EEIG1: variants seen among roughly 807,000 people sequenced by gnomAD.
The protein encoded by EEIG1 is estrogen-induced osteoclastogenesis regulator 1, also known as early estrogen-induced gene 1 protein.
At chr9:127,947,571 G>A in the EEIG1 span, among the ~76,000 whole-genome samples, 1 of 152,174 alleles carries the variant, frequency 6.6e-6, no homozygotes, top group African/African-American at 2.4e-5. Flanking sequence ...AAAGAACACT[G>A]AGACAGAGAG....
the EEIG1 span, chr9:127,950,716 C>T: frequency 1.4e-5 from 20 of 1,400,030 alleles, no homozygotes; most frequent in South Asian, 9.1e-5. Context: ...GGCCCCGGGT[C>T]GGCAGCACCA....
At chr9:127,943,189 T>C in the EEIG1 span, 3 of 1,614,032 alleles carry the variant, frequency 1.9e-6, no homozygotes, top group Non-Finnish European at 2.5e-6. Context: ...GGACACCTGC[T>C]CCTCAATGGC....
the EEIG1 span, among the ~76,000 whole-genome samples, chr9:127,978,370 C>T: frequency 6.6e-6 from 1 of 152,136 alleles, no homozygotes; most frequent in African/African-American, 2.4e-5. Context: ...TCAGTTTCTC[C>T]GCCTATAACA....
At chr9:127,978,321 G>C in the EEIG1 span, among the ~76,000 whole-genome samples, 2 of 152,010 alleles carry the variant, frequency 1.3e-5, no homozygotes, top group Non-Finnish European at 2.9e-5. Flanking sequence ...AGACTCCTTC[G>C]AGGTCCCTGG....
chr9:127,950,880 C>T, the EEIG1 span, among the ~76,000 whole-genome samples: 3 of 152,114 alleles, frequency 2.0e-5, no homozygotes, highest in East Asian at 5.8e-4. Flanking sequence ...GCCGTGCTGT[C>T]GGGAGCTGCC....
the EEIG1 span, chr9:127,980,281 C>A: frequency 2.1e-6 from 2 of 970,464 alleles, no homozygotes; most frequent in Non-Finnish European, 3.0e-6. Flanking sequence ...GATCGGAGTC[C>A]GGGGCCCCAG....
the EEIG1 span, among the ~76,000 whole-genome samples, chr9:127,951,869 G>A: frequency 6.6e-6 from 1 of 150,468 alleles, no homozygotes; most frequent in Non-Finnish European, 1.5e-5. Context: ...AGGGGAAGAA[G>A]CTTGCCCAGG....
chr9:127,955,430 C>T, the EEIG1 span, among the ~76,000 whole-genome samples: 3 of 152,224 alleles, frequency 2.0e-5, no homozygotes, highest in Non-Finnish European at 2.9e-5. Flanking sequence ...GGCTCTCAGT[C>T]GCCACTTTGG....
At chr9:127,949,808 C>T in the EEIG1 span, among the ~76,000 whole-genome samples, 4 of 152,324 alleles carry the variant, frequency 2.6e-5, no homozygotes, top group African/African-American at 9.6e-5. Context: ...GTGCTGGTGA[C>T]GGACACCCAG....
chr9:127,944,905 C>T, the EEIG1 span: 1 of 1,610,002 alleles, frequency 6.2e-7, no homozygotes, highest in Admixed American at 1.7e-5. Context: ...CCGCCTGGGT[C>T]AGGTCGTGGG....
chr9:127,950,391 C>T, the EEIG1 span: 1 of 1,609,850 alleles, frequency 6.2e-7, no homozygotes, highest in Non-Finnish European at 8.5e-7. Flanking sequence ...ATCCCGTGGT[C>T]AGGGTGGCAG....
the EEIG1 span, among the ~76,000 whole-genome samples, chr9:127,947,223 T>C: frequency 7.3e-6 from 1 of 136,414 alleles, no homozygotes; most frequent in African/African-American, 2.8e-5. Context: ...CTGGCAACCA[T>C]CCTGGCTGAT....
the EEIG1 span, among the ~76,000 whole-genome samples, chr9:127,957,270 G>A: frequency 6.7e-6 from 1 of 149,740 alleles, no homozygotes; most frequent in Admixed American, 6.6e-5. Flanking sequence ...AAATGCATGA[G>A]TTCAGAAAAG....
the EEIG1 span, among the ~76,000 whole-genome samples, chr9:127,958,096 C>T: frequency 6.6e-6 from 1 of 152,166 alleles, no homozygotes; most frequent in Non-Finnish European, 1.5e-5. Flanking sequence ...AAAGAATAGT[C>T]TTTTCAACAA....
chr9:127,944,117 A>C, the EEIG1 span: 1 of 173,862 alleles, frequency 5.8e-6, no homozygotes, highest in Admixed American at 5.8e-5. Context: ...CGTTCCCGCA[A>C]CTTTGGTCCC....
the EEIG1 span, among the ~76,000 whole-genome samples, chr9:127,968,719 C>A: frequency 6.6e-6 from 1 of 152,142 alleles, no homozygotes; most frequent in African/African-American, 2.4e-5. Context: ...CTGAGGTGAC[C>A]AGGAGATAAT....
chr9:127,973,868 C>A, the EEIG1 span, among the ~76,000 whole-genome samples: 5 of 152,170 alleles, frequency 3.3e-5, no homozygotes, highest in South Asian at 1.0e-3. This position sits in a 1 kb window ranked among gnomAD's most constrained non-coding sequence, Gnocchi z 4.2. Flanking sequence ...ATCAGACATC[C>A]AAGGCATGCT....
chr9:127,953,512 C>T, the EEIG1 span: 38 of 1,510,774 alleles, frequency 2.5e-5, no homozygotes, highest in Non-Finnish European at 3.1e-5. Context: ...GGAGGCTTCC[C>T]TTGTGCCTGT....
chr9:127,976,945 G>A, the EEIG1 span, among the ~76,000 whole-genome samples: 1 of 152,032 alleles, frequency 6.6e-6, no homozygotes, highest in East Asian at 1.9e-4. This position sits in a 1 kb window ranked among gnomAD's most constrained non-coding sequence, Gnocchi z 4.1. Flanking sequence ...TGGGGCCTTT[G>A]CTGTCTAGAG....
Sources: allele counts gnomAD v4.1 joint callset (sites outside exome capture counted in the v4.1 genomes callset), GRCh38; gene constraint gnomAD v4.1.1; non-coding constraint Gnocchi (gnomAD v3.1); transcripts MANE v1.5; gene names NCBI Gene and HGNC (gene_info 2026-07-23, HGNC 2026-07-21).